FOXO1: variants seen among roughly 807,000 people sequenced by gnomAD.
The protein encoded by FOXO1 is forkhead box protein O1.
In FOXO1, 6 loss-of-function variants were observed where a neutral mutation model predicts 44.1. That is an observed-to-expected ratio of 0.14 (90% CI 0.07 to 0.27). The LOEUF is 0.27. Ranked by LOEUF, FOXO1 falls within the 10% of genes least tolerant of loss-of-function variation. FOXO1 has a pLI of 1.00. For synonymous variants in FOXO1, 380 were observed against 362.7 expected (o/e 1.05, Z -0.54); for missense variants, 737 against 888.8 (o/e 0.83, Z 2.17).
chr13:40,583,567 T>C (rs1875035417), intron 1 of FOXO1, among the ~76,000 whole-genome samples: 1 of 152,224 alleles, frequency 6.6e-6, no homozygotes, highest in Non-Finnish European at 1.5e-5. Context: ...TGTACTTTCA[T>C]GTTATGGAGA....
intron 1 of FOXO1, among the ~76,000 whole-genome samples, chr13:40,633,028 C>G (rs755447305): frequency 1.3e-5 from 2 of 151,854 alleles, no homozygotes; most frequent in Non-Finnish European, 2.9e-5. Context: ...CATTATTTAG[C>G]ATCAGAAAAA....
chr13:40,581,749 ATG>A (rs1338030172), intron 1 of FOXO1, among the ~76,000 whole-genome samples: 1 of 152,232 alleles, frequency 6.6e-6, no homozygotes, highest in Non-Finnish European at 1.5e-5. Flanking sequence ...ATATCTGGTC[ATG>A]TAAGAACAAT....
chr13:40,622,609 G>A (rs1316241993), intron 1 of FOXO1, among the ~76,000 whole-genome samples: 1 of 152,042 alleles, frequency 6.6e-6, no homozygotes, highest in South Asian at 2.1e-4. Context: ...AAATCACCAA[G>A]CCTCCTGCCT....
In FOXO1 at chr13:40,559,426, T is replaced by A. The variant is rs1347444893; in HGVS notation, c.*14+83A>T. 10 of 1,243,950 alleles carry A rather than the reference T, an allele frequency of 8.0e-6. No individual in the cohort carries two copies. In the East Asian group the frequency reaches 2.1e-4, roughly 26 times the overall value. 77.1% of individuals were successfully genotyped at this position (1,243,950 alleles called of 1,614,324 possible). ...AGGGACAGTCAGTTGACATCAAAGA[T>A]GTGCTAACCATGGCAAGTTACTGTG... On this transcript the variant is annotated intron_variant, in intron 2 of 2. Coordinates refer to ENST00000379561, the MANE Select transcript of FOXO1 (RefSeq NM_002015.4).
In FOXO1 at chr13:40,666,289, G is replaced by A. The variant is rs1030812167; in HGVS notation, c.-77C>T. ...CAGCACTGGGGGCGGACGGGGAGGGGGCGCGAAGGGACGGTCCGAGATTTG... is the reference window on the plus strand; with the variant it reads ...CAGCACTGGGGGCGGACGGGGAGGGAGCGCGAAGGGACGGTCCGAGATTTG... On this transcript the variant is annotated 5_prime_UTR_variant, in exon 1 of 3. Transcript: ENST00000379561. 1.6e-5 allele frequency: 20 copies of A among 1,219,794 alleles called. No homozygotes were observed. The African/African-American group carries it at 3.0e-4, about 18-fold the overall frequency. 75.6% of individuals were successfully genotyped at this position (1,219,794 alleles called of 1,614,324 possible). A position where few individuals can be genotyped will look rare whatever the true frequency, so the allele number is the denominator to read the frequency against.
chr13:40,585,921 G>A (rs1875147179), intron 1 of FOXO1, among the ~76,000 whole-genome samples: 1 of 152,196 alleles, frequency 6.6e-6, no homozygotes, highest in Non-Finnish European at 1.5e-5. Flanking sequence ...AATCCAGAGA[G>A]GGGCTACTTA....
At chr13:40,661,580 C>T (rs753738732) in intron 1 of FOXO1, among the ~76,000 whole-genome samples, 4 of 151,656 alleles carry the variant, frequency 2.6e-5, no homozygotes, top group East Asian at 2.0e-4. Context: ...TACAGGTGTG[C>T]GCCACCACGC....
chr13:40,619,455 T>A, intron 1 of FOXO1: 2 of 1,240,732 alleles, frequency 1.6e-6, no homozygotes, highest in Non-Finnish European at 2.4e-6. Flanking sequence ...ATTGGAGAGC[T>A]GTGAGTCGAA....
At chr13:40,602,750 C>A (rs1875855875) in intron 1 of FOXO1, among the ~76,000 whole-genome samples, 1 of 152,198 alleles carries the variant, frequency 6.6e-6, no homozygotes, top group African/African-American at 2.4e-5. Flanking sequence ...ACCTGCCAAT[C>A]ATTTAAGGCT....
At position 40,556,666 on chromosome 13, in the gene FOXO1, A is replaced by G. The variant is rs1034910154; in HGVS notation, c.*2383T>C. 6.6e-6 allele frequency: 1 copy of G among 152,374 alleles called. No homozygotes were observed. The highest frequency in any genetic ancestry group is 1.5e-5 in the Non-Finnish European group (1 of 68,052). The allele number at this position is 152,374 out of a possible 1,614,324, so 9.4% of individuals were successfully genotyped here. A position where few individuals can be genotyped will look rare whatever the true frequency, so the allele number is the denominator to read the frequency against. On this transcript the variant is annotated 3_prime_UTR_variant, in exon 3 of 3. Coordinates refer to ENST00000379561, the MANE Select transcript of FOXO1 (RefSeq NM_002015.4). ...GTTCTCAGAGAGCTACCAAGGATTCATGACAGGATTTCAACACACAATGGG... is the reference window on the plus strand; with the variant it reads ...GTTCTCAGAGAGCTACCAAGGATTCGTGACAGGATTTCAACACACAATGGG...
At chr13:40,657,675 A>AAC in intron 1 of FOXO1, among the ~76,000 whole-genome samples, 1 of 152,214 alleles carries the variant, frequency 6.6e-6, no homozygotes, top group East Asian at 1.9e-4. Flanking sequence ...GCCAATACAG[A>AAC]ACTTCATTTT....
chr13:40,623,916 T>A (rs1020147258), intron 1 of FOXO1, among the ~76,000 whole-genome samples: 5 of 137,456 alleles, frequency 3.6e-5, no homozygotes, highest in African/African-American at 1.4e-4. Context: ...TGAGACACCA[T>A]CTCTTAAAAA....
intron 1 of FOXO1, among the ~76,000 whole-genome samples, chr13:40,578,871 C>T (rs1017723318): frequency 2.0e-5 from 3 of 152,196 alleles, no homozygotes; most frequent in African/African-American, 7.2e-5. Context: ...CACATGCACA[C>T]CCCTCCACGC....
intron 1 of FOXO1, among the ~76,000 whole-genome samples, chr13:40,620,893 G>C (rs956651232): frequency 6.8e-6 from 1 of 146,532 alleles, no homozygotes; most frequent in African/African-American, 2.6e-5. Context: ...CCGTCTCCCG[G>C]GTTCAAGCTA....
intron 1 of FOXO1, among the ~76,000 whole-genome samples, chr13:40,562,210 C>A (rs977744193): frequency 6.6e-6 from 1 of 152,160 alleles, no homozygotes. Flanking sequence ...CTCCATGACA[C>A]ACCTCCACGT....
intron 1 of FOXO1, among the ~76,000 whole-genome samples, chr13:40,568,706 C>T (rs1342692979): frequency 2.0e-5 from 3 of 152,146 alleles, no homozygotes; most frequent in South Asian, 2.1e-4. Flanking sequence ...TTCCCAGAAT[C>T]GTTTCCTTCT....
intron 1 of FOXO1, among the ~76,000 whole-genome samples, chr13:40,640,757 T>TG (rs1877320857): frequency 2.2e-5 from 3 of 136,248 alleles, no homozygotes; most frequent in Non-Finnish European, 4.7e-5. Context: ...TTGTTATTTC[T>TG]TTTGTTGTTG....
At chr13:40,659,323 A>T (rs2137942581) in intron 1 of FOXO1, among the ~76,000 whole-genome samples, 1 of 151,224 alleles carries the variant, frequency 6.6e-6, no homozygotes, top group Admixed American at 6.6e-5. Flanking sequence ...TCAAAAAAAA[A>T]AAAAAAAAGA....
At chr13:40,654,513 A>AAG (rs1877794561) in intron 1 of FOXO1, among the ~76,000 whole-genome samples, 3 of 147,966 alleles carry the variant, frequency 2.0e-5, no homozygotes, top group African/African-American at 7.5e-5. Flanking sequence ...AAAAAAAAAA[A>AAG]AAGAAGAAAA....
Sources: allele counts gnomAD v4.1 joint callset (sites outside exome capture counted in the v4.1 genomes callset), GRCh38; gene constraint gnomAD v4.1.1; transcripts MANE v1.5; gene names NCBI Gene and HGNC (gene_info 2026-07-23, HGNC 2026-07-21).